APOBEC3F: variants seen among roughly 807,000 people sequenced by gnomAD.
The protein encoded by APOBEC3F is apolipoprotein B mRNA editing enzyme catalytic subunit 3F.
Under a neutral mutation model 45.8 loss-of-function variants are expected in APOBEC3F, and 34 were observed. The observed-to-expected ratio is 0.74, with a 90% CI of 0.57 to 0.99. APOBEC3F has a LOEUF of 0.99. Ranked by LOEUF, APOBEC3F falls within the 50% of genes least tolerant of loss-of-function variation. APOBEC3F has a pLI of 0.00. For synonymous variants in APOBEC3F, 192 were observed against 174.4 expected (o/e 1.10, Z -0.80); for missense variants, 459 against 474.1 (o/e 0.97, Z 0.30).
chr22:39,049,512 G>A lies in APOBEC3F; in HGVS notation c.654G>A (p.Leu218=), dbSNP rs1927381461. The change falls in exon 5 of 7, where the codon CTG becomes CTA. Residue 218 remains leucine (L), a synonymous_variant. Transcript: ENST00000308521. ...RKAYGRNESW[L]CFTMEVVKHH... ...CCTATGGTCGGAACGAAAGCTGGCTGTGCTTCACCATGGAAGTTGTAAAGC... is the reference window on the plus strand; with the variant it reads ...CCTATGGTCGGAACGAAAGCTGGCTATGCTTCACCATGGAAGTTGTAAAGC... The A allele has an allele frequency of 6.2e-7, 1 of 1,613,954 alleles. No homozygotes were observed. The highest frequency in any genetic ancestry group is 8.5e-7 in the Non-Finnish European group (1 of 1,180,022).
At chr22:39,046,844 G>A (rs1438088045) in intron 4 of APOBEC3F, among the ~76,000 whole-genome samples, 3 of 152,044 alleles carry the variant, frequency 2.0e-5, no homozygotes, top group South Asian at 4.1e-4. Context: ...GTAAGATTTT[G>A]CAAAAGAGTA....
intron 2 of APOBEC3F, chr22:39,044,129 C>G (rs767833800): frequency 6.4e-6 from 10 of 1,566,964 alleles, no homozygotes; most frequent in Admixed American, 1.9e-5. Context: ...CTCAGTAGCC[C>G]CTTTGGCCAG....
chr22:39,042,846 G>A (rs953348987), intron 1 of APOBEC3F, 91 bp from the exon 2 acceptor site: 3 of 1,552,982 alleles, frequency 1.9e-6, no homozygotes, highest in African/African-American at 1.4e-5. Context: ...GAGGCCCAGA[G>A]CCATGCAGGG....
chr22:39,049,005 AAAAC>A (rs202013516), intron 4 of APOBEC3F, among the ~76,000 whole-genome samples: 27 of 106,016 alleles, frequency 2.5e-4, no homozygotes, highest in African/African-American at 5.1e-4. Flanking sequence ...AAAAACAAAA[AAAAC>A]AAAAAGAGTA....
chr22:39,046,160 C>T (rs1289611774), intron 4 of APOBEC3F, among the ~76,000 whole-genome samples: 4 of 152,144 alleles, frequency 2.6e-5, no homozygotes, highest in African/African-American at 7.2e-5. Flanking sequence ...TGTGCACCTG[C>T]ACCCCTGGGG....
chr22:39,051,478 A>G (rs1363594665), intron 5 of APOBEC3F, among the ~76,000 whole-genome samples: 1 of 151,240 alleles, frequency 6.6e-6, no homozygotes, highest in Non-Finnish European at 1.5e-5. Context: ...CGGAGCTTGC[A>G]GTGAGCGGAG....
rs1391412264 is a variant in APOBEC3F, at chr22:39,046,979, C to T, written c.566+1437C>T. Among the ~76,000 whole-genome samples, 4 of 152,112 alleles carry T rather than the reference C, an allele frequency of 2.6e-5. No homozygotes were observed. In the East Asian group the frequency reaches 7.7e-4, roughly 29 times the overall value. On this transcript the variant is annotated intron_variant, in intron 4 of 6. Transcript: ENST00000308521. Reference sequence around the variant, plus strand: ...GCCCTCGGGAGAGACGGGAACTGAGCACCTGGGTCTTAGACCGGAGGAGCA... The same window carrying T: ...GCCCTCGGGAGAGACGGGAACTGAGTACCTGGGTCTTAGACCGGAGGAGCA...
Position 39,040,952 on chromosome 22 carries a change from C to T in APOBEC3F, c.-9C>T, listed in dbSNP as rs1161067786. On this transcript the variant is annotated 5_prime_UTR_variant, in exon 1 of 7. Transcript: ENST00000308521. Reference sequence around the variant, plus strand: ...GACAAAGATCTTAGTCGGGACTAGCCGGCCAAGGATGAAGCCTCACTTCAG... The same window carrying T: ...GACAAAGATCTTAGTCGGGACTAGCTGGCCAAGGATGAAGCCTCACTTCAG... 1.9e-6 allele frequency: 3 copies of T among 1,577,814 alleles called. No individual in the cohort carries two copies. Among genetic ancestry groups the T allele is most frequent in the Non-Finnish European group, 8.6e-7 (1 of 1,161,386 alleles).
intron 5 of APOBEC3F, among the ~76,000 whole-genome samples, chr22:39,051,781 G>C (rs5757450): frequency 0.54 from 81,796 of 151,618 alleles, 22,512 homozygotes; most frequent in East Asian, 0.69. Flanking sequence ...GTGAAACCCA[G>C]TCTCTACAAA....
chr22:39,041,230 G>A (rs1339437085), intron 1 of APOBEC3F, among the ~76,000 whole-genome samples: 5 of 151,714 alleles, frequency 3.3e-5, no homozygotes, highest in African/African-American at 1.2e-4. Flanking sequence ...CCCCGCCACC[G>A]AAAGTCATGG....
In APOBEC3F at chr22:39,045,060, G is replaced by T; in HGVS notation, c.291G>T (p.Pro97=). The change falls in exon 3 of 7, where the codon CCG becomes CCT. Residue 97 remains proline (P), a synonymous_variant. Transcript: ENST00000308521. ...GGTTTGTATCCTGGACCCCCTGCCCGGACTGTGTGGCGAAGCTGGCCGAAT... is the reference window on the plus strand; with the variant it reads ...GGTTTGTATCCTGGACCCCCTGCCCTGACTGTGTGGCGAAGCTGGCCGAAT... ...ITWFVSWTPC[P]DCVAKLAEFL... 2 of 1,613,902 alleles carry T rather than the reference G, an allele frequency of 1.2e-6. No individual in the cohort carries two copies. Among genetic ancestry groups the T allele is most frequent in the Non-Finnish European group, 1.7e-6 (2 of 1,179,954 alleles).
rs1408166368 is a variant in APOBEC3F at position 39,045,496 on chromosome 22, G to T, written c.520G>T (p.Asp174Tyr). The T allele has an allele frequency of 2.5e-6, 4 of 1,614,124 alleles. No homozygotes were observed. Among genetic ancestry groups the T allele is most frequent in the South Asian group, 2.2e-5 (2 of 91,080 alleles). The change falls in exon 4 of 7, where the codon GAT becomes TAT. Residue 174 changes from aspartate (D) to tyrosine (Y), a missense_variant. Asp to Tyr is a radical substitution (Grantham distance 160). Transcript: ENST00000308521. ...GQPFMPWYKF[D>Y]DNYAFLHRTL... ...GCCATTCATGCCTTGGTACAAATTC[G>T]ATGACAATTATGCATTCCTGCACCG...
intron 5 of APOBEC3F, among the ~76,000 whole-genome samples, 158 bp downstream of exon 5, chr22:39,049,739 A>C (rs1927394669): frequency 7.0e-6 from 1 of 142,270 alleles, no homozygotes; most frequent in Non-Finnish European, 1.5e-5. Context: ...TCACTCAGTC[A>C]CCCAGGCTGG....
chr22:39,041,108 C>T (rs1033682717), intron 1 of APOBEC3F, 131 bp downstream of exon 1: 6 of 1,452,016 alleles, frequency 4.1e-6, no homozygotes, highest in African/African-American at 1.4e-5. Context: ...GGCTCCCCTG[C>T]CCCCGCCACT....
chr22:39,042,788 C>T, intron 1 of APOBEC3F, 149 bp from the exon 2 acceptor site: 1 of 1,243,360 alleles, frequency 8.0e-7, no homozygotes, highest in South Asian at 1.6e-5. Flanking sequence ...CCCCGGTCTT[C>T]CTGCCTGGGA....
At chr22:39,042,345 C>G (rs537390666) in intron 1 of APOBEC3F, among the ~76,000 whole-genome samples, 41 of 135,378 alleles carry the variant, frequency 3.0e-4, no homozygotes, top group Admixed American at 1.3e-3. Context: ...GAGTTTCGCT[C>G]TTGTAGCCCA....
At chr22:39,042,115 G>T (rs1175275721) in intron 1 of APOBEC3F, among the ~76,000 whole-genome samples, 1 of 152,172 alleles carries the variant, frequency 6.6e-6, no homozygotes, top group African/African-American at 2.4e-5. Flanking sequence ...TCTGTAAGAT[G>T]GGAATGGCCC....
intron 5 of APOBEC3F, 45 bp downstream of exon 5, chr22:39,049,626 C>T: frequency 6.2e-7 from 1 of 1,602,990 alleles, no homozygotes; most frequent in African/African-American, 1.3e-5. Flanking sequence ...AGCTAAGCAG[C>T]TAGGAATGCA....
In APOBEC3F at chr22:39,040,982, C is replaced by G; in HGVS notation, c.17+5C>G. On this transcript the variant is annotated splice_donor_5th_base_variant and intron_variant, in intron 1 of 6. Transcript: ENST00000308521. Reference sequence around the variant, plus strand: ...AAGGATGAAGCCTCACTTCAGGTACCGCTGCCCGCTCTACCCGCTGGGCCC... The same window carrying G: ...AAGGATGAAGCCTCACTTCAGGTACGGCTGCCCGCTCTACCCGCTGGGCCC... 2 of 1,584,514 alleles carry G rather than the reference C, an allele frequency of 1.3e-6. No homozygotes were observed. Among genetic ancestry groups the G allele is most frequent in the Non-Finnish European group, 1.7e-6 (2 of 1,165,096 alleles).
Sources: gnomAD v4.1 joint callset for allele counts (sites outside exome capture counted in the v4.1 genomes callset) on GRCh38, gnomAD v4.1.1 for gene constraint, MANE v1.5 for transcripts, NCBI Gene and HGNC (gene_info 2026-07-23, HGNC 2026-07-21) for gene names.